The following PCBP2 variants were observed in gnomAD, a reference collection of about 807,000 sequenced individuals.
PCBP2 encodes the protein poly(rC) binding protein 2.
A neutral mutation model predicts 50.1 loss-of-function variants in PCBP2; 4 were observed. That is an observed-to-expected ratio of 0.08 (90% CI 0.04 to 0.18). PCBP2 has a LOEUF of 0.18. PCBP2 is among the 10% of genes least tolerant of loss of function. PCBP2 has a pLI of 1.00. For synonymous variants in PCBP2, 179 were observed against 168.0 expected, an observed-to-expected ratio of 1.07 and a Z score of -0.51; for missense variants, 161 against 474.3, an observed-to-expected ratio of 0.34 and a Z score of 6.14.
intron 5 of PCBP2, among the ~76,000 whole-genome samples, chr12:53,458,245 CAG>C (rs1296510835): frequency 4.6e-5 from 7 of 150,774 alleles, no homozygotes; most frequent in Non-Finnish European, 8.9e-5. Context: ...AGTTTTCTAA[CAG>C]GGTAGAATTG....
chr12:53,478,066 A>ATTT (rs2137138991), intron 14 of PCBP2, among the ~76,000 whole-genome samples: 1 of 152,314 alleles, frequency 6.6e-6, no homozygotes, highest in Non-Finnish European at 1.5e-5. Flanking sequence ...AGGACCTCAA[A>ATTT]TGACTATCTC....
intron 1 of PCBP2, among the ~76,000 whole-genome samples, chr12:53,453,493 G>A (rs1448309110): frequency 6.6e-6 from 1 of 152,166 alleles, no homozygotes. Context: ...TACATTCTTG[G>A]AGTAGCCAGA....
chr12:53,465,463 A>T (rs1391508207), intron 9 of PCBP2, among the ~76,000 whole-genome samples: 1 of 152,136 alleles, frequency 6.6e-6, no homozygotes. Context: ...ATAGAGAAAT[A>T]AGTTGGAGAA....
intron 6 of PCBP2, 84 bp from the exon 7 acceptor site, chr12:53,460,931 T>C (rs535714705): frequency 6.9e-7 from 1 of 1,454,710 alleles, no homozygotes; most frequent in African/African-American, 1.4e-5. Flanking sequence ...TCTACTAGAG[T>C]TTTAGGCTCT....
At chr12:53,474,422 T>C (rs1200235258) in intron 14 of PCBP2, among the ~76,000 whole-genome samples, 1 of 152,266 alleles carries the variant, frequency 6.6e-6, no homozygotes, top group East Asian at 1.9e-4. Flanking sequence ...AAAATTCTGC[T>C]TTATAAATAT....
At chr12:53,468,745 A>G (rs1397814350) in intron 12 of PCBP2, 32 bp from the exon 13 acceptor site, 4 of 1,569,494 alleles carry the variant, frequency 2.5e-6, no homozygotes, top group East Asian at 2.2e-5. Flanking sequence ...AATGCTGTGC[A>G]TTGAATTTGC....
At chr12:53,456,448 ACT>A (rs1324714299) in intron 5 of PCBP2, among the ~76,000 whole-genome samples, 1 of 150,950 alleles carries the variant, frequency 6.6e-6, no homozygotes, top group African/African-American at 2.4e-5. Flanking sequence ...ACAGAGTGAG[ACT>A]CTGTCTCAAA....
intron 14 of PCBP2, among the ~76,000 whole-genome samples, chr12:53,472,708 T>TC (rs1379297866): frequency 6.6e-6 from 1 of 152,222 alleles, no homozygotes; most frequent in Non-Finnish European, 1.5e-5. Flanking sequence ...GGAAAGGAAT[T>TC]CCTAAGTATG....
At chr12:53,460,399 G>A in intron 6 of PCBP2, 1 of 390,524 alleles carries the variant, frequency 2.6e-6, no homozygotes, top group Non-Finnish European at 5.2e-6. Context: ...GACTGCCTTG[G>A]TCTCCCAAAG....
chr12:53,460,115 A>G (rs1278930490), intron 6 of PCBP2: 6 of 228,832 alleles, frequency 2.6e-5, no homozygotes, highest in South Asian at 2.2e-4. Flanking sequence ...AAATAGGAAG[A>G]TGTATTGGGA....
intron 6 of PCBP2, chr12:53,459,998 A>G (rs1028129938): frequency 4.9e-5 from 17 of 347,642 alleles, no homozygotes; most frequent in Admixed American, 3.8e-4. Flanking sequence ...AGCTCAAGCA[A>G]TCCACCCACC....
At chr12:53,465,042 C>CTT (rs747714871) in intron 9 of PCBP2, 190 bp downstream of exon 9, 745 of 388,312 alleles carry the variant, frequency 1.9e-3, no homozygotes, top group East Asian at 2.2e-3. Flanking sequence ...GTAACACCAA[C>CTT]TTTTTTTTTT....
intron 8 of PCBP2, among the ~76,000 whole-genome samples, chr12:53,463,515 T>C (rs141685020): frequency 6.6e-6 from 1 of 152,222 alleles, no homozygotes; most frequent in East Asian, 1.9e-4. Context: ...TTACATAGTA[T>C]TTACATTGTA....
rs1169555229 is a variant in PCBP2 at position 53,480,479 on chromosome 12, A to C, written c.*1037A>C. 1 of 152,610 alleles carries C rather than the reference A, an allele frequency of 6.6e-6. No individual in the cohort carries two copies. The highest frequency in any genetic ancestry group is 1.9e-4 in the East Asian group (1 of 5,192). 9.5% of individuals were successfully genotyped at this position (152,610 alleles called of 1,614,324 possible). A position where few individuals can be genotyped will look rare whatever the true frequency, so the allele number is the denominator to read the frequency against. ...TGGTACCCCATTCATTCATCAAGAA[A>C]ACCCTCAACAGCTGGGCCTGCATGG... On this transcript the variant is annotated 3_prime_UTR_variant, in exon 15 of 15. Transcript: ENST00000546463.
At chr12:53,470,410 G>A (rs1374152165) in intron 13 of PCBP2, among the ~76,000 whole-genome samples, 7 of 142,408 alleles carry the variant, frequency 4.9e-5, no homozygotes, top group Admixed American at 1.4e-4. Context: ...AAAGTGTAGT[G>A]GCTTTTTTTT....
intron 14 of PCBP2, among the ~76,000 whole-genome samples, chr12:53,473,198 C>G (rs932773461): frequency 6.6e-6 from 1 of 152,006 alleles, no homozygotes; most frequent in African/African-American, 2.4e-5. Flanking sequence ...ATTCTCCTGC[C>G]TCAGCCTCCC....
chr12:53,460,636 G>C (rs754706964), intron 6 of PCBP2: 33 of 233,704 alleles, frequency 1.4e-4, no homozygotes, highest in Middle Eastern at 7.2e-4. Context: ...CATGGTACCT[G>C]GCACATAGAA....
chr12:53,460,066 G>A (rs139686910), intron 6 of PCBP2: 9 of 227,544 alleles, frequency 4.0e-5, no homozygotes, highest in African/African-American at 1.2e-4. Context: ...TGCCTGCAGC[G>A]TCATTTTTCT....
At chr12:53,463,712 T>G (rs1157101717) in intron 8 of PCBP2, among the ~76,000 whole-genome samples, 2 of 152,234 alleles carry the variant, frequency 1.3e-5, no homozygotes, top group African/African-American at 4.8e-5. Context: ...TGCATTGGGA[T>G]TCAGGTTGAA....
Sources: allele counts gnomAD v4.1 joint callset (sites outside exome capture counted in the v4.1 genomes callset), GRCh38; gene constraint gnomAD v4.1.1; transcripts MANE v1.5; gene names NCBI Gene and HGNC (gene_info 2026-07-23, HGNC 2026-07-21).